ZNF316: variants seen among roughly 807,000 people sequenced by gnomAD.
The protein encoded by ZNF316 is zinc finger protein 316.
A neutral mutation model predicts 75.6 loss-of-function variants in ZNF316; 23 were observed. The observed-to-expected ratio is 0.30, with a 90% CI of 0.22 to 0.43. ZNF316 has a LOEUF of 0.43. Ranked by LOEUF, ZNF316 falls within the 20% of genes least tolerant of loss-of-function variation. The pLI, the probability that ZNF316 is intolerant of heterozygous loss-of-function variation, is 1.00. For missense variants in ZNF316, 1,266 were observed against 1,409.4 expected (o/e 0.90, Z 1.63); for synonymous variants, 827 against 666.2 (o/e 1.24, Z -3.72).
chr7:6,647,212 C>T (rs1226047296), intron 8 of ZNF316, among the ~76,000 whole-genome samples: 3 of 152,158 alleles, frequency 2.0e-5, no homozygotes, highest in Non-Finnish European at 4.4e-5. Flanking sequence ...AGGTCACCTG[C>T]CCCAGTGAGG....
chr7:6,647,508 T>A (rs1468939545), intron 8 of ZNF316, among the ~76,000 whole-genome samples: 1 of 152,182 alleles, frequency 6.6e-6, no homozygotes, highest in African/African-American at 2.4e-5. Flanking sequence ...AGTTTGTGTC[T>A]GAATGGAGAA....
chr7:6,654,753 C>G lies in ZNF316; in HGVS notation c.*142C>G, dbSNP rs994485996. ...CTTCCCTCAGCCCTCGCCCTGCGGC[C>G]CCGGGTCTCATGCCCGCCGGGTCCG... On this transcript the variant is annotated 3_prime_UTR_variant, in exon 9 of 9. Transcript: ENST00000382252. 1 of 733,700 alleles carries G rather than the reference C, an allele frequency of 1.4e-6. No homozygotes were observed. The highest frequency in any genetic ancestry group is 1.9e-5 in the African/African-American group (1 of 52,414). 45.4% of individuals were successfully genotyped at this position (733,700 alleles called of 1,614,324 possible). A position where few individuals can be genotyped will look rare whatever the true frequency, so the allele number is the denominator to read the frequency against.
intron 8 of ZNF316, among the ~76,000 whole-genome samples, chr7:6,650,147 G>C (rs1306750350): frequency 6.6e-6 from 1 of 152,218 alleles, no homozygotes; most frequent in Non-Finnish European, 1.5e-5. Flanking sequence ...CAGAGCCTCA[G>C]GGTGAGATCC....
rs1305835420 is a variant in ZNF316, at chr7:6,657,055, G to A, written c.*2444G>A. 2.0e-5 allele frequency among the ~76,000 whole-genome samples: 3 copies of A among 152,076 alleles called. No homozygotes were observed. Among genetic ancestry groups the A allele is most frequent in the Non-Finnish European group, 4.4e-5 (3 of 68,000 alleles). ...TCTTGCCCAGGCTGGAGTGCAGGGC[G>A]TGATCTCGGCTCACTGCAACCTCTG... On this transcript the variant is annotated 3_prime_UTR_variant, in exon 9 of 9. Coordinates refer to ENST00000382252, the MANE Select transcript of ZNF316 (RefSeq NM_001278559.2).
Position 6,656,426 on chromosome 7 carries a change from A to G in ZNF316, c.*1815A>G, listed in dbSNP as rs1462099351. 2 of 152,198 alleles carry G rather than the reference A, an allele frequency of 1.3e-5. No homozygotes were observed. The highest frequency in any genetic ancestry group is 2.9e-5 in the Non-Finnish European group (2 of 68,022). 9.4% of individuals were successfully genotyped at this position (152,198 alleles called of 1,614,324 possible). On this transcript the variant is annotated 3_prime_UTR_variant, in exon 9 of 9. Transcript: ENST00000382252. Reference sequence around the variant, plus strand: ...GCCTGGCTTTAATAAAGAGTGGACAAACTGAACTTCTGACTGGACTCCATG... The same window carrying G: ...GCCTGGCTTTAATAAAGAGTGGACAGACTGAACTTCTGACTGGACTCCATG...
chr7:6,657,015 A>G lies in ZNF316; in HGVS notation c.*2404A>G, dbSNP rs760420949. 6.6e-6 allele frequency among the ~76,000 whole-genome samples: 1 copy of G among 152,140 alleles called. No homozygotes were observed. The highest frequency in any genetic ancestry group is 1.5e-5 in the Non-Finnish European group (1 of 68,012). ...GATCTGGAGGCATCAGAACAGAGCA[A>G]TCTAATGCTTCTTTTCTTGCCCAGG... On this transcript the variant is annotated 3_prime_UTR_variant, in exon 9 of 9. Transcript: ENST00000382252.
Position 6,653,194 on chromosome 7 carries a change from C to T in ZNF316, c.1598C>T (p.Thr533Met), listed in dbSNP as rs999672119. Residue 533 changes from threonine (T) to methionine (M), a missense_variant, in exon 9 of 9, where the codon ACG becomes ATG. By Grantham distance (81) the Thr-to-Met change is moderately conservative (BLOSUM62 -1). Around this residue, in one of 3 missense-constraint regions of ZNF316, gnomAD observed 961 missense variants for 990.9 expected, o/e 0.97. Coordinates refer to ENST00000382252, the MANE Select transcript of ZNF316 (RefSeq NM_001278559.2). Reference protein sequence around the residue: ...ETAAAAGPEDTDPGPEGSEVG... With the variant: ...ETAAAAGPEDMDPGPEGSEVG... ...GCGGCCGCCGCGGGGCCCGAGGACACGGACCCTGGGCCAGAGGGATCTGAA... is the reference window on the plus strand; with the variant it reads ...GCGGCCGCCGCGGGGCCCGAGGACATGGACCCTGGGCCAGAGGGATCTGAA... 2.1e-5 allele frequency: 26 copies of T among 1,217,378 alleles called. No individual in the cohort carries two copies. Among genetic ancestry groups the T allele is most frequent in the African/African-American group, 1.4e-4 (9 of 63,750 alleles). The allele number at this position is 1,217,378 out of a possible 1,614,324, so 75.4% of individuals were successfully genotyped here.
At position 6,654,742 on chromosome 7, in the gene ZNF316, C is replaced by T. The variant is rs759761958; in HGVS notation, c.*131C>T. 2.5e-6 allele frequency: 2 copies of T among 805,466 alleles called. No individual in the cohort carries two copies. The highest frequency in any genetic ancestry group is 1.9e-5 in the African/African-American group (1 of 53,662). The allele number at this position is 805,466 out of a possible 1,614,324, so 49.9% of individuals were successfully genotyped here. ...GGGTGCGGTGCCTTCCCTCAGCCCTCGCCCTGCGGCCCCGGGTCTCATGCC... is the reference window on the plus strand; with the variant it reads ...GGGTGCGGTGCCTTCCCTCAGCCCTTGCCCTGCGGCCCCGGGTCTCATGCC... On this transcript the variant is annotated 3_prime_UTR_variant, in exon 9 of 9. Transcript: ENST00000382252.
chr7:6,643,053 T>A lies in ZNF316; in HGVS notation c.445T>A (p.Leu149Met). 9 of 1,237,524 alleles carry A rather than the reference T, an allele frequency of 7.3e-6. No homozygotes were observed. Among genetic ancestry groups the A allele is most frequent in the Non-Finnish European group, 9.1e-6 (9 of 991,272 alleles). The allele number at this position is 1,237,524 out of a possible 1,614,324, so 76.7% of individuals were successfully genotyped here. A position where few individuals can be genotyped will look rare whatever the true frequency, so the allele number is the denominator to read the frequency against. ...EEEEDEDEDD[L>M]LTAGCQELVT... ...GGAGGAGGATGAGGACGAGGATGAT[T>A]TGCTGACGGCTGGGTGTCAGGTGAG... The change falls in exon 6 of 9, where the codon TTG becomes ATG. Residue 149 changes from leucine (L) to methionine (M), a missense_variant. This residue lies in a region of ZNF316 where 961 missense variants were observed against 990.9 expected (regional missense o/e 0.97). Transcript: ENST00000382252.
rs1418175270 is a variant in ZNF316 at position 6,653,499 on chromosome 7, C to T, written c.1903C>T (p.Pro635Ser). 1 of 1,221,430 alleles carries T rather than the reference C, an allele frequency of 8.2e-7. No individual in the cohort carries two copies. The highest frequency in any genetic ancestry group is 3.2e-5 in the East Asian group (1 of 31,196). 75.7% of individuals were successfully genotyped at this position (1,221,430 alleles called of 1,614,324 possible). A position where few individuals can be genotyped will look rare whatever the true frequency, so the allele number is the denominator to read the frequency against. ...GGTCGACGGGCGCCCGCTCCCGGCG[C>T]CCCTGGGGGGCCCGCTCTCCCTGGT... ...LPVDGRPLPA[P>S]LGGPLSLVEG... Residue 635 changes from proline (P) to serine (S), a missense_variant, in exon 9 of 9, where the codon CCC becomes TCC. Pro to Ser is a moderately conservative substitution (Grantham distance 74, BLOSUM62 -1). Coordinates refer to ENST00000382252, the MANE Select transcript of ZNF316 (RefSeq NM_001278559.2).
Position 6,656,301 on chromosome 7 carries a change from G to C in ZNF316, c.*1690G>C, listed in dbSNP as rs760240150. 6.6e-6 allele frequency: 1 copy of C among 152,184 alleles called. No individual in the cohort carries two copies. The highest frequency in any genetic ancestry group is 2.4e-5 in the African/African-American group (1 of 41,390). 9.4% of individuals were successfully genotyped at this position (152,184 alleles called of 1,614,324 possible). Reference sequence around the variant, plus strand: ...AAGGGCCAAGGGCAAGGTGGGCTTGGGGGGCTCTGGGAATCTCAGCTCTAG... The same window carrying C: ...AAGGGCCAAGGGCAAGGTGGGCTTGCGGGGCTCTGGGAATCTCAGCTCTAG... On this transcript the variant is annotated 3_prime_UTR_variant, in exon 9 of 9. Coordinates refer to ENST00000382252, the MANE Select transcript of ZNF316 (RefSeq NM_001278559.2).
chr7:6,653,747 G>T lies in ZNF316; in HGVS notation c.2151G>T (p.Arg717=). ...AKHQRYHAGE[R]PHRCADCGKS... ...ACCAGCGCTACCACGCGGGCGAGCG[G>T]CCGCATCGCTGCGCCGACTGCGGCA... The change falls in exon 9 of 9, where the codon CGG becomes CGT. Residue 717 remains arginine, a synonymous_variant. Transcript: ENST00000382252. The T allele has an allele frequency of 9.1e-7, 1 of 1,096,684 alleles. No individual in the cohort carries two copies. Among genetic ancestry groups the T allele is most frequent in the Non-Finnish European group, 1.1e-6 (1 of 899,910 alleles). The allele number at this position is 1,096,684 out of a possible 1,614,324, so 67.9% of individuals were successfully genotyped here.
Position 6,655,538 on chromosome 7 carries a change from T to TGCCCCTC in ZNF316, c.*928_*934dup, listed in dbSNP as rs1157140478. The TGCCCCTC allele has an allele frequency of 1.3e-5, 2 of 152,150 alleles. No individual in the cohort carries two copies. The highest frequency in any genetic ancestry group is 4.8e-5 in the African/African-American group (2 of 41,420). 9.4% of individuals were successfully genotyped at this position (152,150 alleles called of 1,614,324 possible). A position where few individuals can be genotyped will look rare whatever the true frequency, so the allele number is the denominator to read the frequency against. On this transcript the variant is annotated 3_prime_UTR_variant, in exon 9 of 9. Coordinates refer to ENST00000382252, the MANE Select transcript of ZNF316 (RefSeq NM_001278559.2). ...AGCCCCAGCTTTCACTTCCCTGGGCTGCCCCTCTCCGGGAGCAGGCAGACG... is the reference window on the plus strand; with the variant it reads ...AGCCCCAGCTTTCACTTCCCTGGGCTGCCCCTCGCCCCTCTCCGGGAGCAGGCAGACG...
In ZNF316 at chr7:6,653,059, C is replaced by G. The variant is rs1315117285; in HGVS notation, c.1463C>G (p.Pro488Arg). 8.2e-7 allele frequency: 1 copy of G among 1,212,848 alleles called. No individual in the cohort carries two copies. Among genetic ancestry groups the G allele is most frequent in the Admixed American group, 4.4e-5 (1 of 22,970 alleles). 75.1% of individuals were successfully genotyped at this position (1,212,848 alleles called of 1,614,324 possible). A position where few individuals can be genotyped will look rare whatever the true frequency, so the allele number is the denominator to read the frequency against. ...ACGGCCGACCGCCCGCACTGCTGTC[C>G]CGACTGCGGCCAGGCCTTCCGCCTG... ...VHTADRPHCC[P>R]DCGQAFRLRA... The change falls in exon 9 of 9, where the codon CCC becomes CGC. Residue 488 changes from proline (P) to arginine (R), a missense_variant. Around this residue, in one of 3 missense-constraint regions of ZNF316, gnomAD observed 961 missense variants for 990.9 expected, o/e 0.97. Coordinates refer to ENST00000382252, the MANE Select transcript of ZNF316 (RefSeq NM_001278559.2).
Position 6,640,240 on chromosome 7 carries a change from C to T in ZNF316, c.-167+1099C>T, listed in dbSNP as rs767870008. Among the ~76,000 whole-genome samples, 3 of 152,070 alleles carry T rather than the reference C, an allele frequency of 2.0e-5. No individual in the cohort carries two copies. The highest frequency in any genetic ancestry group is 4.8e-5 in the African/African-American group (2 of 41,380). On this transcript the variant is annotated intron_variant, in intron 3 of 8. Transcript: ENST00000382252. This position sits in a 1 kb window ranked among gnomAD's most constrained non-coding sequence, Gnocchi z 5.1. ...GTTTGTCCAGGTGTCAGGCTGTTCT[C>T]GCATTGCTGTAAAGAAATACCTGAG...
chr7:6,655,525 C>T lies in ZNF316; in HGVS notation c.*914C>T, dbSNP rs1779607202. 6.6e-6 allele frequency: 1 copy of T among 152,214 alleles called. No individual in the cohort carries two copies. The highest frequency in any genetic ancestry group is 1.5e-5 in the Non-Finnish European group (1 of 68,078). The allele number at this position is 152,214 out of a possible 1,614,324, so 9.4% of individuals were successfully genotyped here. A position where few individuals can be genotyped will look rare whatever the true frequency, so the allele number is the denominator to read the frequency against. On this transcript the variant is annotated 3_prime_UTR_variant, in exon 9 of 9. Coordinates refer to ENST00000382252, the MANE Select transcript of ZNF316 (RefSeq NM_001278559.2). ...CCTCGCAGCCCTGAGCCCCAGCTTT[C>T]ACTTCCCTGGGCTGCCCCTCTCCGG...
chr7:6,651,004 C>T (rs1018348956), intron 8 of ZNF316, among the ~76,000 whole-genome samples: 1 of 152,064 alleles, frequency 6.6e-6, no homozygotes, highest in Non-Finnish European at 1.5e-5. Flanking sequence ...AGGGAGAGGG[C>T]AGGGGTGCAG....
Position 6,654,231 on chromosome 7 carries a change from C to T in ZNF316, c.2635C>T (p.Arg879Cys). 8.2e-7 allele frequency: 1 copy of T among 1,222,380 alleles called. No homozygotes were observed. Among genetic ancestry groups the T allele is most frequent in the Non-Finnish European group, 1.0e-6 (1 of 981,452 alleles). The allele number at this position is 1,222,380 out of a possible 1,614,324, so 75.7% of individuals were successfully genotyped here. ...GCGCTCCAACCTGGCCAAGCACCGG[C>T]GCGGCCACACGGGCGAACGCCCCTT... ...AQRSNLAKHR[R>C]GHTGERPFPC... is the part of the protein sequence containing the mutation. Residue 879 changes from arginine to cysteine, a missense_variant, in exon 9 of 9, where the codon CGC becomes TGC. This residue lies in a region of ZNF316 where 194 missense variants were observed against 319.2 expected (regional missense o/e 0.61). Coordinates refer to ENST00000382252, the MANE Select transcript of ZNF316 (RefSeq NM_001278559.2).
In ZNF316 at chr7:6,643,022, AGAG is replaced by A. The variant is rs1779338419; in HGVS notation, c.426_428del (p.Glu142del). On this transcript the variant is annotated inframe_deletion, in exon 6 of 9. Coordinates refer to ENST00000382252, the MANE Select transcript of ZNF316 (RefSeq NM_001278559.2). Reference sequence around the variant, plus strand: ...GGGATGAGGACCTGGAGGAGGAGGAAGAGGAGGAGGAGGATGAGGACGAGGATG... The same window carrying A: ...GGGATGAGGACCTGGAGGAGGAGGAAGAGGAGGAGGATGAGGACGAGGATG... The A allele has an allele frequency of 1.8e-5, 22 of 1,238,878 alleles. No homozygotes were observed. Among genetic ancestry groups the A allele is most frequent in the South Asian group, 4.1e-5 (1 of 24,640 alleles). 76.7% of individuals were successfully genotyped at this position (1,238,878 alleles called of 1,614,324 possible).
Sources: allele counts gnomAD v4.1 joint callset (sites outside exome capture counted in the v4.1 genomes callset), GRCh38; gene constraint gnomAD v4.1.1; regional missense constraint gnomAD v4.1.1; non-coding constraint Gnocchi (gnomAD v3.1); transcripts MANE v1.5; gene names NCBI Gene and HGNC (gene_info 2026-07-23, HGNC 2026-07-21).